RBFOX1: variants seen among roughly 807,000 people sequenced by gnomAD.
RBFOX1 encodes RNA binding fox-1 homolog 1.
RBFOX1 carries 8 observed loss-of-function variants against 57.7 expected under a neutral mutation model. The ratio of observed to expected loss-of-function variants is 0.14; its 90% confidence interval spans 0.08 to 0.25. RBFOX1 has a LOEUF of 0.25. RBFOX1 is among the 10% of genes least tolerant of loss of function. The probability of loss-of-function intolerance (pLI) is 1.00; values close to 1 mark genes in which losing one functional copy is unlikely to be tolerated. For synonymous variants in RBFOX1, 326 were observed against 222.4 expected (o/e 1.47, Z -4.15); for missense variants, 611 against 548.5 (o/e 1.11, Z -1.14).
At chr16:6,594,947 C>G (rs1279337875) in intron 2 of RBFOX1, among the ~76,000 whole-genome samples, 1 of 152,110 alleles carries the variant, frequency 6.6e-6, no homozygotes, top group East Asian at 1.9e-4. Context: ...TGCCACCACA[C>G]CGGGCTAATT....
At chr16:6,350,708 A>G (rs553777301) in intron 2 of RBFOX1, among the ~76,000 whole-genome samples, 4 of 152,256 alleles carry the variant, frequency 2.6e-5, no homozygotes, top group South Asian at 4.1e-4. Context: ...AGCATTGTCC[A>G]TGGATTTTCA....
chr16:7,688,716 T>C (rs774358749), intron 14 of RBFOX1, among the ~76,000 whole-genome samples: 2 of 152,108 alleles, frequency 1.3e-5, no homozygotes, highest in African/African-American at 4.8e-5. Flanking sequence ...GGTTGATCTA[T>C]AAAACCATCT....
At chr16:7,303,333 C>G (rs1019406370) in intron 4 of RBFOX1, among the ~76,000 whole-genome samples, 1 of 152,186 alleles carries the variant, frequency 6.6e-6, no homozygotes, top group African/African-American at 2.4e-5. Flanking sequence ...CCCCCAGCCC[C>G]TAACGTCTCA....
chr16:7,643,674 C>T (rs536753938), intron 11 of RBFOX1, among the ~76,000 whole-genome samples: 1 of 152,284 alleles, frequency 6.6e-6, no homozygotes, highest in South Asian at 2.1e-4. Context: ...AACACAACCT[C>T]CCCCTCACAT....
At chr16:6,266,922 T>A (rs564248211) in intron 1 of RBFOX1, among the ~76,000 whole-genome samples, 1 of 152,270 alleles carries the variant, frequency 6.6e-6, no homozygotes, top group African/African-American at 2.4e-5. Context: ...AATTCCATAC[T>A]CTTAGCAGAG....
intron 3 of RBFOX1, among the ~76,000 whole-genome samples, chr16:6,695,991 A>G (rs992520812): frequency 6.6e-6 from 1 of 152,208 alleles, no homozygotes; most frequent in Admixed American, 6.5e-5. Flanking sequence ...ACATACACAC[A>G]CTGATCTGAT....
intron 4 of RBFOX1, among the ~76,000 whole-genome samples, chr16:7,102,902 A>G (rs552432554): frequency 4.6e-5 from 7 of 152,264 alleles, no homozygotes; most frequent in African/African-American, 1.7e-4. Flanking sequence ...CTACAAGTAT[A>G]TTGTGAGTAT....
At chr16:6,657,193 C>T (rs1035352082) in intron 3 of RBFOX1, among the ~76,000 whole-genome samples, 1 of 151,326 alleles carries the variant, frequency 6.6e-6, no homozygotes, top group East Asian at 2.0e-4. Context: ...CTTTCCTTCC[C>T]ACTTTCTCGT....
At chr16:6,295,712 C>T (rs1044313395) in intron 1 of RBFOX1, among the ~76,000 whole-genome samples, 2 of 152,188 alleles carry the variant, frequency 1.3e-5, no homozygotes, top group Non-Finnish European at 2.9e-5. Flanking sequence ...GGTACCATTA[C>T]CTGCAGCTGT....
intron 1 of RBFOX1, among the ~76,000 whole-genome samples, chr16:6,135,310 T>C (rs1359325730): frequency 6.6e-6 from 1 of 152,208 alleles, no homozygotes; most frequent in East Asian, 1.9e-4. Context: ...TTGGAAAGCA[T>C]TGGCTGTACT....
At position 6,457,443 on chromosome 16, in the gene RBFOX1, C is replaced by CCCCG. The variant is rs1555484711; in HGVS notation, c.-64+140389_-64+140390insGCCC. On this transcript the variant is annotated intron_variant, in intron 2 of 15. Coordinates refer to ENST00000550418, the MANE Select transcript of RBFOX1 (RefSeq NM_018723.4). ...TGACTGTGAATTTCCGGAAGTCCCC[C>CCCCG]CCCCCGCAATAGCTTTGATTTGACA... 4.5e-4 allele frequency among the ~76,000 whole-genome samples: 34 copies of CCCCG among 75,180 alleles called. 5 individuals carry two copies. The highest frequency in any genetic ancestry group is 6.7e-3 in the Middle Eastern group (1 of 150). The allele number at this position is 75,180 out of a possible 152,430, so 49.3% of individuals were successfully genotyped here.
At chr16:7,134,304 G>C (rs2071318034) in intron 4 of RBFOX1, among the ~76,000 whole-genome samples, 1 of 152,120 alleles carries the variant, frequency 6.6e-6, no homozygotes, top group South Asian at 2.1e-4. Context: ...GTGAAACTTT[G>C]GAAATTCAGA....
At chr16:5,704,727 C>T (rs2051178234) in intron 3 of RBFOX1, among the ~76,000 whole-genome samples, 1 of 152,126 alleles carries the variant, frequency 6.6e-6, no homozygotes, top group African/African-American at 2.4e-5. Context: ...GGGGCTCTCC[C>T]AGGACCCCTC....
intron 3 of RBFOX1, among the ~76,000 whole-genome samples, chr16:5,762,665 T>A (rs2053631425): frequency 6.6e-6 from 1 of 152,202 alleles, no homozygotes; most frequent in Non-Finnish European, 1.5e-5. Flanking sequence ...GCTGCATTGT[T>A]TATAATAATG....
chr16:7,045,128 A>T (rs1302658066), intron 3 of RBFOX1, among the ~76,000 whole-genome samples: 1 of 152,132 alleles, frequency 6.6e-6, no homozygotes, highest in Non-Finnish European at 1.5e-5. Flanking sequence ...GTCACTGGCC[A>T]CCTAACTCAT....
intron 2 of RBFOX1, among the ~76,000 whole-genome samples, chr16:6,371,790 C>G (rs761304062): frequency 6.6e-6 from 1 of 152,150 alleles, no homozygotes; most frequent in Non-Finnish European, 1.5e-5. Flanking sequence ...CTTTTCAAAG[C>G]CAAGAATTTG....
chr16:7,044,744 G>T (rs2047328950), intron 3 of RBFOX1, among the ~76,000 whole-genome samples: 1 of 152,154 alleles, frequency 6.6e-6, no homozygotes, highest in Non-Finnish European at 1.5e-5. Flanking sequence ...AATGACATTT[G>T]ATAAAGTGTA....
intron 1 of RBFOX1, among the ~76,000 whole-genome samples, chr16:6,205,834 C>G (rs1027065813): frequency 6.9e-6 from 1 of 145,816 alleles, no homozygotes; most frequent in Non-Finnish European, 1.5e-5. Context: ...TTTTGCATTT[C>G]CCTTTGAACA....
intron 1 of RBFOX1, among the ~76,000 whole-genome samples, chr16:5,336,831 C>T (rs1379937464): frequency 6.6e-6 from 1 of 152,180 alleles, no homozygotes; most frequent in African/African-American, 2.4e-5. Flanking sequence ...AAATGGTGCT[C>T]ATGGCTTTTT....
Sources: allele counts gnomAD v4.1 joint callset (sites outside exome capture counted in the v4.1 genomes callset), GRCh38; gene constraint gnomAD v4.1.1; transcripts MANE v1.5; gene names NCBI Gene and HGNC (gene_info 2026-07-23, HGNC 2026-07-21).